SV2C: variants seen among roughly 807,000 people sequenced by gnomAD.
SV2C encodes solute carrier family 22 member B3.
SV2C carries 49 observed loss-of-function variants against 79.7 expected under a neutral mutation model. The observed-to-expected ratio is 0.61, with a 90% CI of 0.49 to 0.78. SV2C has a LOEUF of 0.78. Among genes scored for constraint, SV2C ranks in the 30% least tolerant of loss-of-function variants. The pLI is 0.00. For synonymous variants in SV2C, 334 were observed against 333.2 expected (o/e 1.00, Z -0.03); for missense variants, 833 against 912.9 (o/e 0.91, Z 1.13).
intron 2 of SV2C, among the ~76,000 whole-genome samples, chr5:76,157,621 T>C (rs1742771871): frequency 1.5e-5 from 2 of 130,202 alleles, no homozygotes; most frequent in Non-Finnish European, 1.7e-5. Flanking sequence ...TATAGAAATG[T>C]AGCATATTTG....
chr5:75,858,261 T>G, the SV2C span, among the ~76,000 whole-genome samples: 1 of 152,142 alleles, frequency 6.6e-6, no homozygotes, highest in Non-Finnish European at 1.5e-5. Flanking sequence ...GGCTTTTTTG[T>G]GTTGAGGTAT....
chr5:75,939,910 C>A, the SV2C span, among the ~76,000 whole-genome samples: 3 of 152,170 alleles, frequency 2.0e-5, no homozygotes, highest in South Asian at 4.1e-4. Flanking sequence ...AAGTCTGGCT[C>A]AGTTGCATCC....
chr5:75,881,746 C>G, the SV2C span, among the ~76,000 whole-genome samples: 2,434 of 151,396 alleles, frequency 0.016, 36 homozygotes, highest in African/African-American at 0.041. Flanking sequence ...TCTGCAAACA[C>G]GGACAATTTG....
In SV2C at chr5:76,319,259, A is replaced by C. The variant is rs527507143; in HGVS notation, c.2001-6105A>C. Among the ~76,000 whole-genome samples the C allele has an allele frequency of 4.6e-4, 69 of 149,986 alleles. 1 individual carries two copies. The South Asian group carries it at 0.014, about 29-fold the overall frequency. On this transcript the variant is annotated intron_variant, in intron 12 of 12. Coordinates refer to ENST00000502798, the MANE Select transcript of SV2C (RefSeq NM_014979.4). ...AACCTGCATCTCTACAAAAAAAAAA[A>C]ACACAAAAAATTGCCCGTGTGCGGC...
At chr5:75,886,083 C>G in the SV2C span, among the ~76,000 whole-genome samples, 2 of 152,094 alleles carry the variant, frequency 1.3e-5, no homozygotes, top group South Asian at 4.1e-4. Context: ...ATACAAGCTT[C>G]TTCCAGGATG....
the SV2C span, among the ~76,000 whole-genome samples, chr5:75,854,516 T>C: frequency 2.0e-5 from 3 of 152,218 alleles, no homozygotes; most frequent in African/African-American, 7.2e-5. Flanking sequence ...AAGTATCTTA[T>C]TTTGTGATGT....
At chr5:76,052,206 A>G in the SV2C span, among the ~76,000 whole-genome samples, 2 of 152,208 alleles carry the variant, frequency 1.3e-5, no homozygotes, top group Non-Finnish European at 2.9e-5. Flanking sequence ...AGAAATTTTT[A>G]AATTTCATTT....
intron 4 of SV2C, among the ~76,000 whole-genome samples, chr5:76,272,191 C>T (rs546185016): frequency 4.6e-5 from 7 of 152,184 alleles, no homozygotes; most frequent in Admixed American, 6.5e-5. Context: ...CAACAAAGAG[C>T]ACCTGGGCTG....
At chr5:76,237,487 C>A (rs539929881) in intron 4 of SV2C, among the ~76,000 whole-genome samples, 9 of 152,278 alleles carry the variant, frequency 5.9e-5, no homozygotes, top group Admixed American at 2.0e-4. Context: ...TATCTGTCAT[C>A]CTGGAACTTC....
At chr5:76,263,860 T>A (rs1037772748) in intron 4 of SV2C, among the ~76,000 whole-genome samples, 3 of 152,188 alleles carry the variant, frequency 2.0e-5, no homozygotes, top group Admixed American at 6.5e-5. Context: ...CCTTAACATT[T>A]TTTCCTTCGT....
rs997530168 is a variant in SV2C at position 76,328,352 on chromosome 5, C to T, written c.*2805C>T. The stretch of plus-strand genomic sequence containing the variant: ...ACCACCTTTTCTAACTAAAATTTCC[C>T]TGTTGCTCTTTGGAATCAATCCAGA... On this transcript the variant is annotated 3_prime_UTR_variant, in exon 13 of 13. Transcript: ENST00000502798. The T allele has an allele frequency of 6.6e-6, 1 of 152,210 alleles. No homozygotes were observed. The highest frequency in any genetic ancestry group is 1.5e-5 in the Non-Finnish European group (1 of 68,018). 9.4% of individuals were successfully genotyped at this position (152,210 alleles called of 1,614,324 possible). A position where few individuals can be genotyped will look rare whatever the true frequency, so the allele number is the denominator to read the frequency against.
the SV2C span, among the ~76,000 whole-genome samples, chr5:75,974,663 C>T: frequency 1.3e-5 from 2 of 152,110 alleles, no homozygotes; most frequent in Non-Finnish European, 2.9e-5. Flanking sequence ...GTGCTTTCAC[C>T]TTTTTAAGCT....
At chr5:76,174,111 G>A (rs1561249373) in intron 2 of SV2C, 1 of 1,598,222 alleles carries the variant, frequency 6.3e-7, no homozygotes. Flanking sequence ...AAAATTCCTT[G>A]AACAAATTGT....
intron 4 of SV2C, among the ~76,000 whole-genome samples, chr5:76,227,792 G>C (rs763762083): frequency 6.6e-6 from 1 of 152,156 alleles, no homozygotes; most frequent in Non-Finnish European, 1.5e-5. Flanking sequence ...TTGTGCTGTG[G>C]GGCTGTTTTT....
At chr5:75,989,028 T>A in the SV2C span, among the ~76,000 whole-genome samples, 3 of 152,160 alleles carry the variant, frequency 2.0e-5, no homozygotes, top group South Asian at 6.2e-4. Flanking sequence ...AATTTATTGT[T>A]CTTTCTTAAA....
At chr5:76,018,153 T>A in the SV2C span, among the ~76,000 whole-genome samples, 1 of 152,112 alleles carries the variant, frequency 6.6e-6, no homozygotes, top group Non-Finnish European at 1.5e-5. Context: ...TCTTCAGCCA[T>A]CCCCATGATT....
At chr5:75,927,788 A>G in the SV2C span, among the ~76,000 whole-genome samples, 664 of 152,350 alleles carry the variant, frequency 4.4e-3, 1 homozygote, top group African/African-American at 0.013. Flanking sequence ...AAACTCAGCA[A>G]GAGGTACACA....
At chr5:76,213,292 A>G (rs1744821845) in intron 4 of SV2C, among the ~76,000 whole-genome samples, 1 of 152,202 alleles carries the variant, frequency 6.6e-6, no homozygotes, top group Non-Finnish European at 1.5e-5. Context: ...AAGAGTTTTA[A>G]TTTTTGTTTT....
chr5:76,129,047 C>T (rs1748798349), intron 1 of SV2C, among the ~76,000 whole-genome samples: 1 of 152,106 alleles, frequency 6.6e-6, no homozygotes, highest in Non-Finnish European at 1.5e-5. Flanking sequence ...AACAGTCTGC[C>T]CCCAGCCAAT....
Sources: allele counts gnomAD v4.1 joint callset (sites outside exome capture counted in the v4.1 genomes callset), GRCh38; gene constraint gnomAD v4.1.1; transcripts MANE v1.5; gene names NCBI Gene and HGNC (gene_info 2026-07-23, HGNC 2026-07-21).